Variants in SLC2A13 observed in about 807,000 individuals in gnomAD.
SLC2A13 encodes the protein solute carrier family 2 member 13.
SLC2A13 carries 32 observed loss-of-function variants against 64.4 expected under a neutral mutation model. That is an observed-to-expected ratio of 0.50 (90% CI 0.37 to 0.67). The LOEUF is 0.67. SLC2A13 is among the 30% of genes least tolerant of loss of function. The pLI is 0.00. For synonymous variants in SLC2A13, 338 were observed against 327.1 expected (o/e 1.03, Z -0.36); for missense variants, 743 against 829.2 (o/e 0.90, Z 1.28).
chr12:39,797,032 A>G (rs565133245), intron 7 of SLC2A13, among the ~76,000 whole-genome samples: 10 of 152,220 alleles, frequency 6.6e-5, no homozygotes, highest in Non-Finnish European at 1.5e-4. Context: ...TATTTTAAAA[A>G]ACTTATAATT....
rs575287177 is a variant in SLC2A13, at chr12:39,904,776, A to T, written c.1035-32815T>A. ...ATGTTCTATTTATTTTAATATCTGG[A>T]CTTCTAAGTGCATGCTACTTCTTTA... is the stretch of plus-strand genomic sequence containing the variant. On this transcript the variant is annotated intron_variant, in intron 4 of 9. Transcript: ENST00000280871. 2.0e-5 allele frequency among the ~76,000 whole-genome samples: 3 copies of T among 152,210 alleles called. No individual in the cohort carries two copies. The South Asian group carries it at 6.2e-4, about 32-fold the overall frequency.
intron 3 of SLC2A13, among the ~76,000 whole-genome samples, chr12:39,985,289 C>G (rs980013694): frequency 9.9e-5 from 15 of 152,094 alleles, no homozygotes; most frequent in Admixed American, 8.5e-4. Context: ...CTTCCCTTTA[C>G]TGTTATGCCT....
chr12:39,865,332 T>C (rs1305413514), intron 5 of SLC2A13, among the ~76,000 whole-genome samples: 1 of 152,226 alleles, frequency 6.6e-6, no homozygotes. Context: ...AGACTTAAAT[T>C]GGTAAACCTT....
At chr12:39,846,837 G>A (rs868014214) in intron 6 of SLC2A13, among the ~76,000 whole-genome samples, 4 of 152,100 alleles carry the variant, frequency 2.6e-5, no homozygotes, top group Non-Finnish European at 4.4e-5. Flanking sequence ...GGATAAAAGA[G>A]AATCCATGCA....
At chr12:39,951,392 A>AG in intron 3 of SLC2A13, 27 bp from the exon 4 acceptor site, 1 of 1,547,146 alleles carries the variant, frequency 6.5e-7, no homozygotes. Flanking sequence ...AGAAAAAAAA[A>AG]ATACAACTAT....
In SLC2A13 at chr12:39,775,146, G is replaced by T. The variant is rs1454862279; in HGVS notation, c.1446-10288C>A. 5.9e-5 allele frequency among the ~76,000 whole-genome samples: 9 copies of T among 152,226 alleles called. No individual in the cohort carries two copies. The East Asian group carries it at 1.4e-3, about 23-fold the overall frequency. ...TTATCACAAGATTAACATAGATAGA[G>T]AATTAGAAACCATAAAAGTCTCCCA... On this transcript the variant is annotated intron_variant, in intron 7 of 9. Coordinates refer to ENST00000280871, the MANE Select transcript of SLC2A13 (RefSeq NM_052885.4).
At chr12:39,947,421 T>G (rs565549118) in intron 4 of SLC2A13, among the ~76,000 whole-genome samples, 1 of 152,300 alleles carries the variant, frequency 6.6e-6, no homozygotes, top group South Asian at 2.1e-4. Context: ...ATAGTTTACT[T>G]CAAGTTCCCC....
chr12:40,092,367 T>C (rs1938796720), intron 1 of SLC2A13, among the ~76,000 whole-genome samples: 1 of 152,206 alleles, frequency 6.6e-6, no homozygotes, highest in Non-Finnish European at 1.5e-5. Flanking sequence ...GCCACTCCAT[T>C]TGCTATGAAG....
intron 4 of SLC2A13, among the ~76,000 whole-genome samples, chr12:39,945,450 T>C (rs1946117187): frequency 6.6e-6 from 1 of 152,162 alleles, no homozygotes; most frequent in Non-Finnish European, 1.5e-5. Flanking sequence ...CAAATATGTT[T>C]TCCAGGCTTT....
chr12:40,074,966 A>G (rs1357305432), intron 1 of SLC2A13, among the ~76,000 whole-genome samples: 2 of 152,114 alleles, frequency 1.3e-5, no homozygotes, highest in Admixed American at 6.6e-5. Flanking sequence ...CCTTTTCTCA[A>G]ATAAAAGGCT....
At chr12:39,790,213 TTTC>T (rs1369620881) in intron 7 of SLC2A13, among the ~76,000 whole-genome samples, 245 of 54,252 alleles carry the variant, frequency 4.5e-3, no homozygotes, top group African/African-American at 0.018. Context: ...GTGTTTTTTT[TTTC>T]TTCTTCTTCT....
intron 4 of SLC2A13, among the ~76,000 whole-genome samples, chr12:39,895,187 T>C (rs1254521552): frequency 6.6e-6 from 1 of 151,862 alleles, no homozygotes; most frequent in Admixed American, 6.6e-5. Context: ...GAGTAACAAG[T>C]AGTGGGTCTG....
intron 3 of SLC2A13, among the ~76,000 whole-genome samples, chr12:39,952,859 A>G (rs1946253616): frequency 6.6e-6 from 1 of 152,202 alleles, no homozygotes; most frequent in South Asian, 2.1e-4. Context: ...TGGATCAGCA[A>G]CCTGAAAGAT....
At chr12:39,902,228 A>G (rs1447856245) in intron 4 of SLC2A13, among the ~76,000 whole-genome samples, 1 of 151,326 alleles carries the variant, frequency 6.6e-6, no homozygotes, top group Non-Finnish European at 1.5e-5. Flanking sequence ...ATTAGGAGAT[A>G]TACCTAATGC....
intron 4 of SLC2A13, among the ~76,000 whole-genome samples, chr12:39,879,595 T>C (rs1023697412): frequency 1.3e-5 from 2 of 152,212 alleles, no homozygotes; most frequent in African/African-American, 4.8e-5. Context: ...ACCCCCTTTC[T>C]TCCTTTCTTT....
intron 3 of SLC2A13, among the ~76,000 whole-genome samples, chr12:39,969,899 C>T (rs1246552445): frequency 6.6e-6 from 1 of 152,116 alleles, no homozygotes; most frequent in Admixed American, 6.6e-5. Flanking sequence ...AAAGGTATTG[C>T]CTAGGTTTTC....
At chr12:39,785,267 GC>G (rs1322661356) in intron 7 of SLC2A13, among the ~76,000 whole-genome samples, 1 of 152,176 alleles carries the variant, frequency 6.6e-6, no homozygotes, top group Non-Finnish European at 1.5e-5. Flanking sequence ...GAGACTTGGT[GC>G]CCTGTGTCCC....
At chr12:40,038,269 A>T (rs917791057) in intron 2 of SLC2A13, among the ~76,000 whole-genome samples, 1 of 152,154 alleles carries the variant, frequency 6.6e-6, no homozygotes, top group Non-Finnish European at 1.5e-5. Context: ...AGAACCTGCT[A>T]CTTTAATTTA....
At chr12:39,768,931 A>C (rs1940461489) in intron 7 of SLC2A13, among the ~76,000 whole-genome samples, 1 of 152,120 alleles carries the variant, frequency 6.6e-6, no homozygotes, top group Non-Finnish European at 1.5e-5. Flanking sequence ...CAAACACAAT[A>C]AAATGAAGTA....
Sources: allele counts gnomAD v4.1 joint callset (sites outside exome capture counted in the v4.1 genomes callset), GRCh38; gene constraint gnomAD v4.1.1; transcripts MANE v1.5; gene names NCBI Gene and HGNC (gene_info 2026-07-23, HGNC 2026-07-21).